UBR3: variants seen among roughly 807,000 people sequenced by gnomAD.
UBR3 encodes E3 ubiquitin-protein ligase UBR3.
A neutral mutation model predicts 243.2 loss-of-function variants in UBR3; 85 were observed. That is an observed-to-expected ratio of 0.35 (90% CI 0.29 to 0.42). The LOEUF (loss-of-function observed/expected upper bound fraction) is 0.42. Among genes scored for constraint, UBR3 ranks in the 10% least tolerant of loss-of-function variants. The pLI is 1.00. For missense variants in UBR3, 1,686 were observed against 2,300.8 expected (o/e 0.73, Z 5.47); for synonymous variants, 748 against 799.8 (o/e 0.94, Z 1.09).
chr2:169,950,318 T>A (rs2086965278), intron 23 of UBR3, among the ~76,000 whole-genome samples: 1 of 152,036 alleles, frequency 6.6e-6, no homozygotes. Flanking sequence ...TTTGGAAAAA[T>A]TGCTACTGCT....
At chr2:169,878,288 G>C (rs867705635) in intron 4 of UBR3, among the ~76,000 whole-genome samples, 17 of 151,286 alleles carry the variant, frequency 1.1e-4, no homozygotes, top group Middle Eastern at 3.4e-3. Flanking sequence ...TTGAATCTGA[G>C]AAGTGGAGGT....
chr2:170,015,182 TGAA>T, intron 29 of UBR3, 96 bp from the exon 30 acceptor site: 2 of 1,000,354 alleles, frequency 2.0e-6, no homozygotes, highest in South Asian at 1.9e-5. Context: ...AAAATAAAGT[TGAA>T]GAACTTTATT....
intron 24 of UBR3, among the ~76,000 whole-genome samples, chr2:169,974,179 G>A (rs561033880): frequency 2.0e-5 from 3 of 152,188 alleles, no homozygotes; most frequent in East Asian, 1.9e-4. Context: ...GGTAATGCTT[G>A]CCTTGTAGAA....
intron 27 of UBR3, among the ~76,000 whole-genome samples, chr2:170,004,138 A>G (rs2089819081): frequency 6.6e-6 from 1 of 152,360 alleles, no homozygotes; most frequent in South Asian, 2.1e-4. Flanking sequence ...TCATTGTGAC[A>G]GTTGTGGAGA....
intron 19 of UBR3, among the ~76,000 whole-genome samples, chr2:169,938,921 C>G (rs2086455923): frequency 6.6e-6 from 1 of 152,022 alleles, no homozygotes; most frequent in Non-Finnish European, 1.5e-5. Flanking sequence ...GTTCAACAAC[C>G]TGGGCCTCAT....
chr2:170,014,305 T>A (rs2090170368), intron 29 of UBR3: 1 of 152,728 alleles, frequency 6.5e-6, no homozygotes, highest in Non-Finnish European at 1.5e-5. Context: ...AGGATAATAG[T>A]CTTTCATGAA....
chr2:169,992,043 A>C (rs1311240619), intron 25 of UBR3, among the ~76,000 whole-genome samples: 1 of 152,246 alleles, frequency 6.6e-6, no homozygotes. Context: ...ACATTAAAAA[A>C]GATTCAAATA....
intron 35 of UBR3, among the ~76,000 whole-genome samples, chr2:170,071,382 GCCAGGTACATAAGATTACAT>G (rs1405263747): frequency 6.6e-6 from 1 of 152,114 alleles, no homozygotes; most frequent in Non-Finnish European, 1.5e-5. Flanking sequence ...AGTGAAAGAG[GCCAGGTACATAAGATTACAT>G]CCTGTATGAT....
At position 169,828,673 on chromosome 2, in the gene UBR3, T is replaced by G. The variant is rs148975453; in HGVS notation, c.545+621T>G. Among the ~76,000 whole-genome samples, 225 of 152,216 alleles carry G rather than the reference T, an allele frequency of 1.5e-3. 1 individual carries two copies. The highest frequency in any genetic ancestry group is 5.0e-3 in the African/African-American group (208 of 41,522). The stretch of plus-strand genomic sequence containing the variant: ...TGACTGTTGAGCTGTCAGTGGATTA[T>G]TTGGTATGCTGGAATGACATTTAGA... On this transcript the variant is annotated intron_variant, in intron 1 of 38. Transcript: ENST00000272793.
intron 22 of UBR3, 24 bp from the exon 23 acceptor site, chr2:169,949,581 T>C: frequency 6.7e-7 from 1 of 1,485,836 alleles, no homozygotes; most frequent in Non-Finnish European, 8.9e-7. Context: ...TTGATTTTTC[T>C]TTGTTTCTCT....
intron 31 of UBR3, among the ~76,000 whole-genome samples, chr2:170,037,023 A>G (rs1410683002): frequency 2.0e-5 from 3 of 152,116 alleles, no homozygotes; most frequent in African/African-American, 7.2e-5. Context: ...TCATGGGATG[A>G]TTTTTAAAAC....
At chr2:169,941,362 A>T (rs921689967) in intron 19 of UBR3, among the ~76,000 whole-genome samples, 6 of 152,246 alleles carry the variant, frequency 3.9e-5, no homozygotes, top group Non-Finnish European at 8.8e-5. Context: ...TATAAATTAG[A>T]GATAGTGAGA....
chr2:169,856,702 C>T (rs1204111312), intron 1 of UBR3, among the ~76,000 whole-genome samples: 3 of 152,146 alleles, frequency 2.0e-5, no homozygotes, highest in Non-Finnish European at 4.4e-5. Context: ...CATGGCGGCG[C>T]GCGCCTGCAA....
chr2:169,966,367 T>A (rs1407703467), intron 24 of UBR3, among the ~76,000 whole-genome samples: 2 of 152,156 alleles, frequency 1.3e-5, no homozygotes, highest in Non-Finnish European at 2.9e-5. Flanking sequence ...TTATTAAACA[T>A]ATTACATTTT....
At chr2:169,945,881 C>T (rs956143247) in intron 20 of UBR3, among the ~76,000 whole-genome samples, 2 of 152,114 alleles carry the variant, frequency 1.3e-5, no homozygotes, top group Non-Finnish European at 2.9e-5. Flanking sequence ...TGTAGCTACT[C>T]AAAATACTCA....
intron 24 of UBR3, among the ~76,000 whole-genome samples, chr2:169,970,017 C>T (rs1312357297): frequency 1.8e-5 from 2 of 111,464 alleles, no homozygotes; most frequent in Non-Finnish European, 3.6e-5. Flanking sequence ...ATGAATTTTT[C>T]TATCTCTTTT....
rs35631134 is a variant in UBR3 at position 169,976,108 on chromosome 2, C to CT, written c.3635-10526dup. Among the ~76,000 whole-genome samples, 48 of 148,166 alleles carry CT rather than the reference C, an allele frequency of 3.2e-4. 1 individual carries two copies. Among genetic ancestry groups the CT allele is most frequent in the Admixed American group, 2.1e-3 (32 of 14,902 alleles). ...TTGTAGGCAGCATATAGTTGGGCCA[C>CT]TTTTTTTTTTTAAATCCATACAGGC... On this transcript the variant is annotated intron_variant, in intron 24 of 38. Coordinates refer to ENST00000272793, the MANE Select transcript of UBR3 (RefSeq NM_172070.4).
chr2:170,000,837 A>T (rs917600104), intron 26 of UBR3, among the ~76,000 whole-genome samples: 4 of 152,196 alleles, frequency 2.6e-5, no homozygotes, highest in African/African-American at 9.7e-5. Flanking sequence ...AGAAAAAAAG[A>T]TCCTTAGAAG....
chr2:169,884,787 A>C (rs193059753), intron 5 of UBR3, among the ~76,000 whole-genome samples: 1 of 152,320 alleles, frequency 6.6e-6, no homozygotes, highest in Admixed American at 6.5e-5. Context: ...AACCCCTTTA[A>C]AAATGAATAT....
Sources: allele counts gnomAD v4.1 joint callset (sites outside exome capture counted in the v4.1 genomes callset), GRCh38; gene constraint gnomAD v4.1.1; transcripts MANE v1.5; gene names NCBI Gene and HGNC (gene_info 2026-07-23, HGNC 2026-07-21).